The following DOP1A variants were observed in gnomAD, a reference collection of about 807,000 sequenced individuals.
The protein encoded by DOP1A is DOP1 leucine zipper like protein A.
DOP1A carries 90 observed loss-of-function variants against 267.6 expected under a neutral mutation model. The ratio of observed to expected loss-of-function variants is 0.34; its 90% CI spans 0.28 to 0.40. DOP1A has a LOEUF of 0.40. Ranked by LOEUF, DOP1A falls within the 10% of genes least tolerant of loss-of-function variation. The pLI is 1.00. For synonymous variants in DOP1A, 932 were observed against 999.1 expected (o/e 0.93, Z 1.27); for missense variants, 2,437 against 2,900.4 (o/e 0.84, Z 3.67).
At chr6:83,085,786 ATGTTATG>A (rs1582877348) in intron 1 of DOP1A, among the ~76,000 whole-genome samples, 1 of 128,518 alleles carries the variant, frequency 7.8e-6, no homozygotes, top group East Asian at 2.9e-4. Context: ...ATTTTATGTT[ATGTTATG>A]TTATGTTATG....
chr6:83,132,156 C>T lies in DOP1A; in HGVS notation c.2617-20C>T. ...TTCATGTATGGTATTGTGACTGTCA[C>T]TTTTACATCTTTTTTATAGCATGTA... On this transcript the variant is annotated intron_variant, in intron 17 of 38. Coordinates refer to ENST00000349129, the MANE Select transcript of DOP1A (RefSeq NM_015018.4). 1 of 1,597,366 alleles carries T rather than the reference C, an allele frequency of 6.3e-7. No individual in the cohort carries two copies. The highest frequency in any genetic ancestry group is 1.1e-5 in the South Asian group (1 of 89,930).
At chr6:83,097,862 TTTA>T (rs1351956577) in intron 3 of DOP1A, among the ~76,000 whole-genome samples, 1 of 150,466 alleles carries the variant, frequency 6.6e-6, no homozygotes, top group African/African-American at 2.4e-5. Flanking sequence ...TTTATTTTAT[TTTA>T]TTATTTTATT....
At chr6:83,160,948 TTTAA>T (rs962436250) in intron 37 of DOP1A, among the ~76,000 whole-genome samples, 45 of 152,214 alleles carry the variant, frequency 3.0e-4, no homozygotes, top group African/African-American at 1.0e-3. Flanking sequence ...TTCTAGTTCC[TTTAA>T]TTTTCTCTTC....
intron 27 of DOP1A, among the ~76,000 whole-genome samples, chr6:83,151,307 ACCACGC>A (rs1379011077): frequency 1.3e-5 from 2 of 152,124 alleles, no homozygotes; most frequent in East Asian, 3.9e-4. Context: ...GGCATGCACC[ACCACGC>A]CTGGCCACAT....
At chr6:83,097,865 A>ATTATTTTATTTTATT (rs556936772) in intron 3 of DOP1A, among the ~76,000 whole-genome samples, 1 of 145,890 alleles carries the variant, frequency 6.9e-6, no homozygotes, top group African/African-American at 2.5e-5. Flanking sequence ...ATTTTATTTT[A>ATTATTTTATTTTATT]TTATTTTATT....
At chr6:83,107,279 G>T (rs1390993255) in intron 4 of DOP1A, among the ~76,000 whole-genome samples, 1 of 152,136 alleles carries the variant, frequency 6.6e-6, no homozygotes, top group Non-Finnish European at 1.5e-5. Flanking sequence ...GATGAAGCAG[G>T]TCCCTGGACA....
At chr6:83,080,792 T>G (rs1449129838) in intron 1 of DOP1A, among the ~76,000 whole-genome samples, 2 of 152,206 alleles carry the variant, frequency 1.3e-5, no homozygotes, top group African/African-American at 4.8e-5. Flanking sequence ...GGCCATTTAT[T>G]GAATTAAAAT....
Position 83,159,881 on chromosome 6 carries a change from T to G in DOP1A, c.6883T>G (p.Leu2295Val). 6.8e-6 allele frequency: 11 copies of G among 1,614,116 alleles called. No individual in the cohort carries two copies. The highest frequency in any genetic ancestry group is 9.3e-6 in the Non-Finnish European group (11 of 1,180,038). ...FSTSYNSQRW[L>V]NLYLSACKFL... ...TACTTCATATAACAGCCAGCGGTGG[T>G]TAAACCTCTATCTCTCTGCTTGCAA... is the stretch of plus-strand genomic sequence containing the variant. The change falls in exon 37 of 39, where the codon TTA (leucine) becomes GTA (valine). Residue 2295 changes from leucine to valine, a missense_variant. Physicochemically the swap from Leu to Val is conservative, Grantham distance 32. This residue lies in a region of DOP1A where 197 missense variants were observed against 246.5 expected (regional missense o/e 0.80). Coordinates refer to ENST00000349129, the MANE Select transcript of DOP1A (RefSeq NM_015018.4).
At chr6:83,106,967 C>T (rs532767596) in intron 4 of DOP1A, among the ~76,000 whole-genome samples, 1 of 152,074 alleles carries the variant, frequency 6.6e-6, no homozygotes, top group Admixed American at 6.5e-5. Flanking sequence ...TTGGATCTGG[C>T]AATTGGTGGA....
chr6:83,166,098 A>G (rs1785454939), intron 38 of DOP1A: 1 of 382,980 alleles, frequency 2.6e-6, no homozygotes, highest in Admixed American at 4.2e-5. Context: ...GAAATGATTC[A>G]TTATTGTTGC....
intron 37 of DOP1A, chr6:83,161,308 A>G (rs183665973): frequency 2.6e-5 from 4 of 152,306 alleles, no homozygotes; most frequent in Admixed American, 2.6e-4. Flanking sequence ...TCTTTCTAAA[A>G]ATAAAAATCT....
chr6:83,131,716 A>G (rs1465550289), intron 17 of DOP1A, among the ~76,000 whole-genome samples: 4 of 151,854 alleles, frequency 2.6e-5, no homozygotes, highest in African/African-American at 9.7e-5. Flanking sequence ...GCTCACTACA[A>G]CTTGCGCTTT....
At chr6:83,153,722 T>A in intron 31 of DOP1A, 102 bp downstream of exon 31, 1 of 1,205,152 alleles carries the variant, frequency 8.3e-7, no homozygotes, top group Non-Finnish European at 1.1e-6. Context: ...AAAATGGCAT[T>A]TTTACCTTGA....
intron 23 of DOP1A, 75 bp from the exon 24 acceptor site, chr6:83,141,846 C>A: frequency 6.7e-7 from 1 of 1,490,678 alleles, no homozygotes; most frequent in Non-Finnish European, 9.0e-7. Flanking sequence ...TCAAAGAAAC[C>A]AAAAACGCAG....
chr6:83,085,126 A>G (rs868730793), intron 1 of DOP1A, among the ~76,000 whole-genome samples: 4 of 152,312 alleles, frequency 2.6e-5, no homozygotes, highest in South Asian at 2.1e-4. Flanking sequence ...TAAGAAATAG[A>G]ACTGTAGTTC....
In DOP1A at chr6:83,135,628, C is replaced by T; in HGVS notation, c.2880C>T (p.Phe960=). The change falls in exon 20 of 39, where the codon TTC becomes TTT. Residue 960 remains phenylalanine (F), a synonymous_variant. Transcript: ENST00000349129. The stretch of plus-strand genomic sequence containing the variant: ...TTTGTGTTTATTTTAGGTCACTGTT[C>T]ATCATGTTAGATAGCCTTAACAGTC... The part of the protein sequence containing the change: ...SFVRSFDRSL[F]IMLDSLNSLD... The T allele has an allele frequency of 6.2e-7, 1 of 1,612,264 alleles. No individual in the cohort carries two copies. Among genetic ancestry groups the T allele is most frequent in the Non-Finnish European group, 8.5e-7 (1 of 1,178,840 alleles).
intron 27 of DOP1A, among the ~76,000 whole-genome samples, chr6:83,149,850 C>A (rs1185384901): frequency 6.6e-6 from 1 of 152,050 alleles, no homozygotes; most frequent in African/African-American, 2.4e-5. Flanking sequence ...TGTCCAGAAC[C>A]AAAGGGAGGT....
chr6:83,071,665 C>T (rs939713735), intron 1 of DOP1A, among the ~76,000 whole-genome samples: 3 of 151,908 alleles, frequency 2.0e-5, no homozygotes, highest in East Asian at 1.9e-4. Context: ...GAAACAAAGC[C>T]TTAATTGTAA....
intron 24 of DOP1A, among the ~76,000 whole-genome samples, chr6:83,142,909 A>G (rs1351489014): frequency 2.0e-5 from 3 of 152,212 alleles, no homozygotes; most frequent in Admixed American, 6.5e-5. Context: ...TAGTAAGGCT[A>G]TTATATAACT....
Sources: allele counts gnomAD v4.1 joint callset (sites outside exome capture counted in the v4.1 genomes callset), GRCh38; gene constraint gnomAD v4.1.1; regional missense constraint gnomAD v4.1.1; transcripts MANE v1.5; gene names NCBI Gene and HGNC (gene_info 2026-07-23, HGNC 2026-07-21).